The following RASA4B variants were observed in gnomAD, a reference collection of about 807,000 sequenced individuals.
RASA4B encodes the protein ras GTPase-activating protein 4B.
Under a neutral mutation model 24.2 loss-of-function variants are expected in RASA4B, and 2 were observed. That is an observed-to-expected ratio of 0.08 (90% CI 0.03 to 0.26). RASA4B has a LOEUF of 0.26. RASA4B is among the 10% of genes least tolerant of loss of function. The pLI, the probability that RASA4B is intolerant of heterozygous loss-of-function variation, is 1.00. For synonymous variants in RASA4B, 2 were observed against 125.6 expected (o/e 0.02, Z 6.58); for missense variants, 8 against 277.2 (o/e 0.03, Z 6.90).
Position 102,480,182 on chromosome 7 carries a change from C to T in RASA4B, c.*3410G>A, listed in dbSNP as rs1433729259. Among the ~76,000 whole-genome samples the T allele has an allele frequency of 6.6e-6, 1 of 152,146 alleles. No homozygotes were observed. The highest frequency in any genetic ancestry group is 1.5e-5 in the Non-Finnish European group (1 of 68,028). On this transcript the variant is annotated 3_prime_UTR_variant, in exon 21 of 21. Coordinates refer to ENST00000465829, the MANE Select transcript of RASA4B (RefSeq NM_001367767.2). Reference sequence around the variant, plus strand: ...GTAACGCCAGCATCTGGGAAGACACCTGTTGCCAAGCCCACCGTGGTCTAG... The same window carrying T: ...GTAACGCCAGCATCTGGGAAGACACTTGTTGCCAAGCCCACCGTGGTCTAG...
intron 5 of RASA4B, among the ~76,000 whole-genome samples, chr7:102,504,695 A>AAC (rs1799435173): frequency 9.7e-6 from 1 of 103,282 alleles, no homozygotes; most frequent in Non-Finnish European, 1.9e-5. Context: ...AAAAAAAAAA[A>AAC]CCCACCAAAA....
At chr7:102,498,302 C>A (rs1381522591) in intron 8 of RASA4B, among the ~76,000 whole-genome samples, 2 of 150,518 alleles carry the variant, frequency 1.3e-5, no homozygotes, top group East Asian at 3.9e-4. Context: ...TGCTCTGTCA[C>A]CCAGGCTGGA....
At chr7:102,484,746 A>G (rs1403595976) in intron 19 of RASA4B, among the ~76,000 whole-genome samples, 2 of 149,534 alleles carry the variant, frequency 1.3e-5, no homozygotes, top group African/African-American at 4.9e-5. Context: ...TGGACGAAGC[A>G]AGATGGCCAG....
At chr7:102,484,707 C>T (rs2158224) in intron 19 of RASA4B, among the ~76,000 whole-genome samples, 30,486 of 96,368 alleles carry the variant, frequency 0.32, 4,782 homozygotes, top group Middle Eastern at 0.47. Flanking sequence ...TCCTGTTTTT[C>T]CTAAGCTTCT....
rs992820689 is a variant in RASA4B, at chr7:102,480,119, G to T, written c.*3473C>A. 1.3e-5 allele frequency among the ~76,000 whole-genome samples: 2 copies of T among 152,220 alleles called. No homozygotes were observed. The highest frequency in any genetic ancestry group is 3.4e-3 in the Middle Eastern group (1 of 294). ...GACAAGAGTGCGAGCTTTCTGTTATGCCCGGACAGGGCCACCAGAGGGCTC... is the reference window on the plus strand; with the variant it reads ...GACAAGAGTGCGAGCTTTCTGTTATTCCCGGACAGGGCCACCAGAGGGCTC... On this transcript the variant is annotated 3_prime_UTR_variant, in exon 21 of 21. Transcript: ENST00000465829.
At chr7:102,513,149 C>T (rs1340263535) in intron 1 of RASA4B, among the ~76,000 whole-genome samples, 1 of 144,330 alleles carries the variant, frequency 6.9e-6, no homozygotes, top group East Asian at 2.0e-4. Flanking sequence ...GTCCCTCCTG[C>T]CCAGTCGGCC....
At chr7:102,499,248 C>CTT (rs746780203) in intron 8 of RASA4B, among the ~76,000 whole-genome samples, 122 of 83,594 alleles carry the variant, frequency 1.5e-3, no homozygotes, top group African/African-American at 3.8e-3. Context: ...ACTGGGTGTT[C>CTT]TTTTTTTTTT....
chr7:102,495,723 G>GT (rs1799089268), intron 11 of RASA4B, among the ~76,000 whole-genome samples: 1 of 62,542 alleles, frequency 1.6e-5, no homozygotes, highest in African/African-American at 5.3e-5. Flanking sequence ...GGGGGGGGGG[G>GT]GGGTGCGGGG....
At position 102,499,196 on chromosome 7, in the gene RASA4B, A is replaced by ATATG. The variant is rs1799289360; in HGVS notation, c.737+1502_737+1503insCATA. On this transcript the variant is annotated intron_variant, in intron 8 of 20. Transcript: ENST00000465829. ...GTGAGATTCTGCTCAAAAAAAAAAT[A>ATATG]TATATATATATATATTCACTTTTAT... Among the ~76,000 whole-genome samples the ATATG allele has an allele frequency of 2.8e-5, 3 of 108,194 alleles. No individual in the cohort carries two copies. In the South Asian group the frequency reaches 8.2e-4, roughly 29 times the overall value. The allele number at this position is 108,194 out of a possible 152,430, so 71.0% of individuals were successfully genotyped here. A position where few individuals can be genotyped will look rare whatever the true frequency, so the allele number is the denominator to read the frequency against.
At position 102,480,238 on chromosome 7, in the gene RASA4B, G is replaced by C. The variant is rs767849354; in HGVS notation, c.*3354C>G. Among the ~76,000 whole-genome samples, 1 of 152,148 alleles carries C rather than the reference G, an allele frequency of 6.6e-6. No homozygotes were observed. The highest frequency in any genetic ancestry group is 6.6e-5 in the Admixed American group (1 of 15,226). On this transcript the variant is annotated 3_prime_UTR_variant, in exon 21 of 21. Transcript: ENST00000465829. ...GCGTTAGTGTCAAGGAAAAACACCC[G>C]CTACTTAGCAGACCAGGAAAGGGAG...
At chr7:102,498,143 C>T (rs1799225831) in intron 8 of RASA4B, among the ~76,000 whole-genome samples, 2 of 131,840 alleles carry the variant, frequency 1.5e-5, no homozygotes, top group Non-Finnish European at 3.4e-5. Context: ...AAGTGATCCT[C>T]CTGCCTTGGC....
At chr7:102,491,834 T>G (rs72603519) in intron 16 of RASA4B, among the ~76,000 whole-genome samples, 4,450 of 77,846 alleles carry the variant, frequency 0.057, 234 homozygotes, top group South Asian at 0.079. Flanking sequence ...CTTTCAACCC[T>G]GGCAAGGAAG....
chr7:102,500,263 G>A (rs1799314694), intron 8 of RASA4B, among the ~76,000 whole-genome samples: 1 of 83,778 alleles, frequency 1.2e-5, no homozygotes, highest in Admixed American at 1.4e-4. Context: ...ACAAGGTCAG[G>A]AGATCGAGAC....
intron 5 of RASA4B, among the ~76,000 whole-genome samples, chr7:102,506,450 G>T (rs1382974948): frequency 1.3e-5 from 2 of 151,708 alleles, no homozygotes; most frequent in Non-Finnish European, 3.0e-5. Context: ...TCTCACCATG[G>T]TGGTCAGGCT....
chr7:102,498,147 C>T (rs2133327639), intron 8 of RASA4B, among the ~76,000 whole-genome samples: 1 of 132,686 alleles, frequency 7.5e-6, no homozygotes, highest in South Asian at 2.4e-4. Context: ...GATCCTCCTG[C>T]CTTGGCCTCC....
intron 5 of RASA4B, among the ~76,000 whole-genome samples, chr7:102,506,312 G>A (rs538158395): frequency 6.6e-6 from 1 of 152,370 alleles, no homozygotes; most frequent in Non-Finnish European, 1.5e-5. Context: ...GTGCAGTGGC[G>A]CCATCTCGGC....
chr7:102,502,751 C>A (rs1348656466), intron 6 of RASA4B, among the ~76,000 whole-genome samples: 1 of 126,178 alleles, frequency 7.9e-6, no homozygotes, highest in African/African-American at 2.6e-5. Context: ...CAGGGTGGGA[C>A]TTGGCCTCAA....
intron 18 of RASA4B, among the ~76,000 whole-genome samples, chr7:102,487,586 A>G (rs1259715085): frequency 6.2e-4 from 4 of 6,414 alleles, no homozygotes; most frequent in Non-Finnish European, 1.6e-3. Context: ...TGGGGAAGAG[A>G]AGGGTTCCCT....
At chr7:102,497,065 A>C in intron 8 of RASA4B, 101 bp from the exon 9 acceptor site, 2 of 1,433,516 alleles carry the variant, frequency 1.4e-6, no homozygotes, top group Non-Finnish European at 9.7e-7. Context: ...CCGGCTTCCC[A>C]TCTCTCTGCT....
Sources: allele counts gnomAD v4.1 joint callset (sites outside exome capture counted in the v4.1 genomes callset), GRCh38; gene constraint gnomAD v4.1.1; transcripts MANE v1.5; gene names NCBI Gene and HGNC (gene_info 2026-07-23, HGNC 2026-07-21).